IL1RAPL2: variants seen among roughly 807,000 people sequenced by gnomAD.
IL1RAPL2 encodes X-linked interleukin-1 receptor accessory protein-like 2.
IL1RAPL2 carries 3 observed loss-of-function variants against 44.1 expected under a neutral mutation model. The observed-to-expected ratio is 0.07, with a 90% CI of 0.03 to 0.18. IL1RAPL2 has a LOEUF of 0.18. Among genes scored for constraint, IL1RAPL2 ranks in the 10% least tolerant of loss-of-function variants. The pLI, the probability that IL1RAPL2 is intolerant of heterozygous loss-of-function variation, is 1.00. For missense variants in IL1RAPL2, 391 were observed against 496.4 expected, an observed-to-expected ratio of 0.79 and a Z score of 2.02; for synonymous variants, 181 against 178.8, an observed-to-expected ratio of 1.01 and a Z score of -0.10.
intron 2 of IL1RAPL2, among the ~76,000 whole-genome samples, chrX:104,684,529 G>T (rs1030358432): frequency 1.8e-5 from 2 of 112,308 alleles, no homozygotes; most frequent in Non-Finnish European, 3.8e-5. Flanking sequence ...CACTAAGCTA[G>T]TTGGAGGCCT....
chrX:105,569,916 G>A (rs1342826674), intron 6 of IL1RAPL2, among the ~76,000 whole-genome samples: 1 of 111,694 alleles, frequency 9.0e-6, no homozygotes, highest in Non-Finnish European at 1.9e-5. Context: ...GACTGAAGCA[G>A]TTTGAATTTG....
intron 6 of IL1RAPL2, among the ~76,000 whole-genome samples, chrX:105,633,947 A>T (rs1324307765): frequency 9.0e-6 from 1 of 110,688 alleles, no homozygotes; most frequent in Non-Finnish European, 1.9e-5. Context: ...TTATTTTATG[A>T]TTTTGCCTAG....
chrX:105,089,691 T>A (rs1192525830), intron 2 of IL1RAPL2, among the ~76,000 whole-genome samples: 1 of 111,785 alleles, frequency 8.9e-6, no homozygotes, highest in African/African-American at 3.3e-5. Flanking sequence ...GTATAATGAC[T>A]GTTATATTAT....
chrX:105,544,808 C>G (rs758155111), intron 6 of IL1RAPL2, among the ~76,000 whole-genome samples: 79 of 110,856 alleles, frequency 7.1e-4, no homozygotes, highest in Non-Finnish European at 1.2e-3. Context: ...TTTCCCTTCA[C>G]TGCATTCTTT....
chrX:104,600,653 T>C (rs1038166416), intron 1 of IL1RAPL2, among the ~76,000 whole-genome samples: 6 of 110,803 alleles, frequency 5.4e-5, no homozygotes, highest in African/African-American at 1.3e-4. Context: ...CAATAGTTTT[T>C]CAACACTTGC....
rs780705315 is a variant in IL1RAPL2 at position 104,985,336 on chromosome X, G to A, written c.83-210139G>A. Among the ~76,000 whole-genome samples the A allele has an allele frequency of 4.5e-5, 5 of 111,213 alleles. No homozygotes were observed. In the East Asian group the frequency reaches 8.5e-4, roughly 19 times the overall value. The stretch of plus-strand genomic sequence containing the variant: ...CTCCTGGGTCACTTGTGATCTGCCC[G>A]CCTCAGCCTCCCAAAGTGCTGGGAT... On this transcript the variant is annotated intron_variant, in intron 2 of 10. Coordinates refer to ENST00000372582, the MANE Select transcript of IL1RAPL2 (RefSeq NM_017416.2).
chrX:105,491,890 AAC>A (rs1160482225), intron 6 of IL1RAPL2, among the ~76,000 whole-genome samples: 1 of 111,962 alleles, frequency 8.9e-6, no homozygotes, highest in Non-Finnish European at 1.9e-5. Flanking sequence ...GAAAAAAGTT[AAC>A]AGTTTACTAA....
chrX:104,942,182 G>A (rs1010973993), intron 2 of IL1RAPL2, among the ~76,000 whole-genome samples: 2 of 111,829 alleles, frequency 1.8e-5, no homozygotes, highest in African/African-American at 6.5e-5. Context: ...TGGAAATGCG[G>A]GTTCTTTTTT....
At chrX:104,567,115 C>G (rs1347841647) in intron 1 of IL1RAPL2, 64 bp downstream of exon 1, 1 of 113,240 alleles carries the variant, frequency 8.8e-6, no homozygotes, top group Non-Finnish European at 1.9e-5. Context: ...GCGCTGCGCT[C>G]TCAGTTGGCA....
intron 2 of IL1RAPL2, among the ~76,000 whole-genome samples, chrX:105,083,075 T>A (rs1053504145): frequency 1.4e-4 from 16 of 111,145 alleles, no homozygotes; most frequent in Non-Finnish European, 3.8e-5. Context: ...GATGAATTGC[T>A]AACTACAATA....
chrX:105,736,679 C>G (rs2038452265), intron 7 of IL1RAPL2, among the ~76,000 whole-genome samples: 1 of 111,691 alleles, frequency 9.0e-6, no homozygotes, highest in Non-Finnish European at 1.9e-5. Flanking sequence ...GATACCATCT[C>G]ACACCATTCA....
At chrX:105,198,368 A>G (rs2033688766) in intron 3 of IL1RAPL2, among the ~76,000 whole-genome samples, 1 of 111,982 alleles carries the variant, frequency 8.9e-6, no homozygotes, top group Non-Finnish European at 1.9e-5. Flanking sequence ...TGATGAGTAT[A>G]CACTTTGTTT....
At chrX:105,405,126 G>A (rs1041760809) in intron 5 of IL1RAPL2, among the ~76,000 whole-genome samples, 17 of 111,609 alleles carry the variant, frequency 1.5e-4, no homozygotes, top group African/African-American at 5.2e-4. Context: ...TTGTAGACAT[G>A]TTTAGTTTGA....
intron 5 of IL1RAPL2, among the ~76,000 whole-genome samples, chrX:105,448,661 G>A (rs962592044): frequency 2.7e-5 from 3 of 110,872 alleles, no homozygotes; most frequent in Admixed American, 9.6e-5. Context: ...CTTCATGCCC[G>A]GCCTAAGGTC....
chrX:104,975,805 A>T (rs2030322457), intron 2 of IL1RAPL2, among the ~76,000 whole-genome samples: 1 of 111,520 alleles, frequency 9.0e-6, no homozygotes, highest in Admixed American at 9.5e-5. Context: ...AGCTGGGGCT[A>T]GTTGGATAAG....
intron 2 of IL1RAPL2, among the ~76,000 whole-genome samples, chrX:105,133,345 T>C (rs926862901): frequency 3.6e-5 from 4 of 111,935 alleles, no homozygotes; most frequent in Non-Finnish European, 7.5e-5. Flanking sequence ...TTTTGTCAAA[T>C]GGCACATTAT....
intron 1 of IL1RAPL2, among the ~76,000 whole-genome samples, chrX:104,637,316 T>C (rs1350020492): frequency 9.0e-6 from 1 of 111,573 alleles, no homozygotes; most frequent in Admixed American, 9.5e-5. Flanking sequence ...TTTTATTTCT[T>C]TCTCTTACCT....
intron 4 of IL1RAPL2, among the ~76,000 whole-genome samples, chrX:105,266,538 A>G (rs1319281514): frequency 8.9e-6 from 1 of 112,029 alleles, no homozygotes; most frequent in Non-Finnish European, 1.9e-5. Context: ...ATATTCTTAC[A>G]TACTTGGATA....
At chrX:104,825,284 C>A (rs1220264463) in intron 2 of IL1RAPL2, among the ~76,000 whole-genome samples, 11 of 111,978 alleles carry the variant, frequency 9.8e-5, no homozygotes, top group Non-Finnish European at 1.9e-4. Context: ...AGCATGAGCT[C>A]TCCCTCTTTG....
Sources: allele counts gnomAD v4.1 joint callset (sites outside exome capture counted in the v4.1 genomes callset), GRCh38; gene constraint gnomAD v4.1.1; transcripts MANE v1.5; gene names NCBI Gene and HGNC (gene_info 2026-07-23, HGNC 2026-07-21).